The following TRPM8 variants were observed in gnomAD, a reference collection of about 807,000 sequenced individuals.
TRPM8 encodes transient receptor potential cation channel subfamily M member 8, also known as TRPM8 cationic channel.
A neutral mutation model predicts 133.7 loss-of-function variants in TRPM8; 110 were observed. The observed-to-expected ratio is 0.82, with a 90% confidence interval of 0.70 to 0.96. The LOEUF is 0.96. Among genes scored for constraint, TRPM8 ranks in the 40% least tolerant of loss-of-function variants. TRPM8 has a pLI of 0.00. For synonymous variants in TRPM8, 535 were observed against 532.3 expected, an observed-to-expected ratio of 1.01 and a Z score of -0.07; for missense variants, 1,291 against 1,379.5, an observed-to-expected ratio of 0.94 and a Z score of 1.02.
chr2:233,960,615 A>G (rs1267679098), intron 11 of TRPM8, among the ~76,000 whole-genome samples, 161 bp from the exon 12 acceptor site: 1 of 152,236 alleles, frequency 6.6e-6, no homozygotes, highest in East Asian at 1.9e-4. Context: ...TAAAACGGAA[A>G]AAAGATAAAC....
intron 17 of TRPM8, among the ~76,000 whole-genome samples, chr2:233,978,172 C>T (rs112874486): frequency 0.023 from 3,494 of 149,160 alleles, 64 homozygotes; most frequent in Non-Finnish European, 0.035. Flanking sequence ...TGTGAACACA[C>T]GTATTTCACA....
Position 233,955,749 on chromosome 2 carries a change from G to A in TRPM8, c.1362+499G>A, listed in dbSNP as rs28902170. ...ACTTGACTGACGCTCCCCAGTGAACGTCTTAGAGCAGGGGTGCCGGTCCAT... is the reference window on the plus strand; with the variant it reads ...ACTTGACTGACGCTCCCCAGTGAACATCTTAGAGCAGGGGTGCCGGTCCAT... On this transcript the variant is annotated intron_variant, in intron 11 of 25. Coordinates refer to ENST00000324695, the MANE Select transcript of TRPM8 (RefSeq NM_024080.5). 5.7e-3 allele frequency among the ~76,000 whole-genome samples: 869 copies of A among 152,270 alleles called. 5 individuals carry two copies. The highest frequency in any genetic ancestry group is 0.02 in the African/African-American group (830 of 41,534).
chr2:233,942,926 T>A, intron 6 of TRPM8, 178 bp downstream of exon 6: 1 of 658,206 alleles, frequency 1.5e-6, no homozygotes. Context: ...CGTACCTAAT[T>A]AACTGCTGGG....
intron 22 of TRPM8, among the ~76,000 whole-genome samples, chr2:233,998,649 G>T (rs1692469899): frequency 6.6e-6 from 1 of 151,166 alleles, no homozygotes; most frequent in Admixed American, 6.6e-5. Context: ...GTTAGGGTGA[G>T]CCGCCTGTGC....
At chr2:233,986,113 A>T (rs1209111062) in intron 21 of TRPM8, among the ~76,000 whole-genome samples, 2 of 152,222 alleles carry the variant, frequency 1.3e-5, no homozygotes, top group African/African-American at 2.4e-5. Context: ...TCCAGACTGC[A>T]TATTTGGCAT....
At chr2:233,990,325 G>A (rs961378293) in intron 21 of TRPM8, among the ~76,000 whole-genome samples, 1 of 152,226 alleles carries the variant, frequency 6.6e-6, no homozygotes, top group Non-Finnish European at 1.5e-5. Flanking sequence ...AAGCAAGCAA[G>A]AGAGTTGACT....
At chr2:234,000,681 CTTT>C (rs11312917) in intron 22 of TRPM8, among the ~76,000 whole-genome samples, 5 of 145,562 alleles carry the variant, frequency 3.4e-5, no homozygotes, top group African/African-American at 5.1e-5. Context: ...AAGAAACAAC[CTTT>C]TTTTTTTTTT....
chr2:233,983,165 G>A lies in TRPM8; in HGVS notation c.2702G>A (p.Arg901His), dbSNP rs199784199. 5.3e-5 allele frequency: 86 copies of A among 1,614,050 alleles called. 1 individual carries two copies. The highest frequency in any genetic ancestry group is 1.6e-4 in the Middle Eastern group (1 of 6,084). Residue 901 changes from arginine to histidine, a missense_variant, in exon 20 of 26, where the codon CGT (arginine) becomes CAT (histidine). This residue lies in a region of TRPM8 where 328 missense variants were observed against 410.6 expected (regional missense o/e 0.80). Transcript: ENST00000324695. ...GAGCAGCGCTGGAGGTGGATATTCC[G>A]TTCGGTCATCTACGAGCCCTACCTG... ...QNEQRWRWIF[R>H]SVIYEPYLAM...
intron 21 of TRPM8, among the ~76,000 whole-genome samples, chr2:233,994,071 T>G (rs1692346036): frequency 6.6e-6 from 1 of 152,230 alleles, no homozygotes; most frequent in Non-Finnish European, 1.5e-5. Flanking sequence ...TTCCCCAAAC[T>G]CGAATATTTC....
chr2:233,941,895 T>C (rs879610978), intron 5 of TRPM8, among the ~76,000 whole-genome samples: 3 of 151,586 alleles, frequency 2.0e-5, no homozygotes, highest in Non-Finnish European at 4.4e-5. Flanking sequence ...AATATGGGGG[T>C]CCAGGAGCAG....
rs1559516420 is a variant in TRPM8 at position 233,927,847 on chromosome 2, C to CT, written c.117+1193_117+1194insT. On this transcript the variant is annotated intron_variant, in intron 2 of 25. Coordinates refer to ENST00000324695, the MANE Select transcript of TRPM8 (RefSeq NM_024080.5). The stretch of plus-strand genomic sequence containing the variant: ...TCCTTCCTTCCTTCCTTCCTTCCTT[C>CT]CTTCCTTTCTTTCTCTTTCTTTCTT... Among the ~76,000 whole-genome samples the CT allele has an allele frequency of 1.1e-3, 55 of 47,918 alleles. 5 individuals are homozygous for CT. The highest frequency in any genetic ancestry group is 1.5e-3 in the Non-Finnish European group (41 of 27,144). 31.4% of individuals were successfully genotyped at this position (47,918 alleles called of 152,430 possible). A position where few individuals can be genotyped will look rare whatever the true frequency, so the allele number is the denominator to read the frequency against.
chr2:233,955,799 G>A (rs1032869118), intron 11 of TRPM8, among the ~76,000 whole-genome samples: 6 of 152,186 alleles, frequency 3.9e-5, no homozygotes, highest in Non-Finnish European at 8.8e-5. Flanking sequence ...AACAGGAAGT[G>A]AGCAGTGGGC....
chr2:233,985,832 TCCTGCTGGTCAA>T lies in TRPM8; in HGVS notation c.2917_2928del (p.Asn973_Val976del). 1 of 1,614,130 alleles carries T rather than the reference TCCTGCTGGTCAA, an allele frequency of 6.2e-7. No homozygotes were observed. The highest frequency in any genetic ancestry group is 8.5e-7 in the Non-Finnish European group (1 of 1,179,998). On this transcript the variant is annotated inframe_deletion, in exon 21 of 26. Coordinates refer to ENST00000324695, the MANE Select transcript of TRPM8 (RefSeq NM_024080.5). ...TGCATCTACATGTTATCCACCAACA[TCCTGCTGGTCAA>T]CCTGCTGGTCGCCATGTTTGGGTAT...
At chr2:233,936,569 G>C (rs1478235726) in intron 3 of TRPM8, among the ~76,000 whole-genome samples, 1 of 152,206 alleles carries the variant, frequency 6.6e-6, no homozygotes, top group Non-Finnish European at 1.5e-5. Flanking sequence ...CTCTGCCAAG[G>C]GAATGCATCT....
intron 17 of TRPM8, among the ~76,000 whole-genome samples, chr2:233,975,609 G>A (rs999769527): frequency 2.3e-4 from 35 of 152,316 alleles, no homozygotes; most frequent in African/African-American, 7.2e-4. Context: ...GGCTGGGCAC[G>A]GTGGCTCCCG....
chr2:233,979,433 G>A (rs989340091), intron 17 of TRPM8, among the ~76,000 whole-genome samples: 5 of 152,190 alleles, frequency 3.3e-5, no homozygotes, highest in African/African-American at 1.2e-4. Context: ...TTGAATGGAT[G>A]GACAAATGAA....
chr2:233,972,634 C>G (rs551020384), intron 17 of TRPM8, among the ~76,000 whole-genome samples: 6 of 152,212 alleles, frequency 3.9e-5, no homozygotes, highest in Non-Finnish European at 5.9e-5. Flanking sequence ...AGCTACGGCC[C>G]GGTGAGAAAT....
chr2:233,985,943 G>A (rs1303154278), intron 21 of TRPM8, 78 bp downstream of exon 21: 21 of 1,364,094 alleles, frequency 1.5e-5, no homozygotes, highest in Middle Eastern at 1.8e-4. Context: ...TGGGAGCATC[G>A]CAAAGGTCCC....
intron 20 of TRPM8, among the ~76,000 whole-genome samples, chr2:233,984,709 C>T (rs1424171578): frequency 3.9e-5 from 6 of 152,132 alleles, no homozygotes; most frequent in Admixed American, 3.9e-4. Context: ...TCTGCCAGAG[C>T]GATTCTTTGG....
Sources: gnomAD v4.1 joint callset for allele counts (sites outside exome capture counted in the v4.1 genomes callset) on GRCh38, gnomAD v4.1.1 for gene constraint, gnomAD v4.1.1 regional missense constraint, MANE v1.5 for transcripts, NCBI Gene and HGNC (gene_info 2026-07-23, HGNC 2026-07-21) for gene names.